PPP3CC: variants seen among roughly 807,000 people sequenced by gnomAD.
The protein encoded by PPP3CC is protein phosphatase 3 catalytic subunit gamma.
PPP3CC carries 35 observed loss-of-function variants against 60.3 expected under a neutral mutation model. The observed-to-expected ratio is 0.58, with a 90% CI of 0.44 to 0.77. The LOEUF is 0.77. Ranked by LOEUF, PPP3CC falls within the 30% of genes least tolerant of loss-of-function variation. The pLI, the probability that PPP3CC is intolerant of heterozygous loss-of-function variation, is 0.00. For synonymous variants in PPP3CC, 206 were observed against 224.3 expected, an observed-to-expected ratio of 0.92 and a Z score of 0.73; for missense variants, 570 against 628.9, an observed-to-expected ratio of 0.91 and a Z score of 1.00.
Position 22,540,714 on chromosome 8 carries a change from TAC to T in PPP3CC, c.1454_1455del (p.His485ArgfsTer30), listed in dbSNP as rs1563801237. 6.2e-7 allele frequency: 1 copy of T among 1,614,150 alleles called. No homozygotes were observed. Among genetic ancestry groups the T allele is most frequent in the Non-Finnish European group, 8.5e-7 (1 of 1,180,036 alleles). On this transcript the variant is annotated frameshift_variant, in exon 14 of 14. Coordinates refer to ENST00000240139, the MANE Select transcript of PPP3CC (RefSeq NM_005605.5). LOFTEE classifies it low-confidence loss of function (END_TRUNC). ...CGAATGCCACCCCGAAAGGATAGCA[TAC>T]ACGCTGGTGGGCCAATGAAATCTGT...
intron 4 of PPP3CC, among the ~76,000 whole-genome samples, chr8:22,509,204 T>C (rs1839012395): frequency 6.6e-6 from 1 of 152,218 alleles, no homozygotes; most frequent in Admixed American, 6.5e-5. Context: ...TACTGCAGTC[T>C]GGCCCAAATC....
intron 1 of PPP3CC, among the ~76,000 whole-genome samples, chr8:22,473,611 G>C (rs1837797003): frequency 6.6e-6 from 1 of 151,468 alleles, no homozygotes; most frequent in South Asian, 2.1e-4. Context: ...TTACAGGTGT[G>C]TGCCATCACA....
intron 6 of PPP3CC, among the ~76,000 whole-genome samples, chr8:22,519,600 C>T (rs746846104): frequency 1.6e-4 from 25 of 152,138 alleles, no homozygotes; most frequent in Non-Finnish European, 2.5e-4. Context: ...CTTTCAATGA[C>T]GTATAGAAAC....
At chr8:22,479,669 G>T (rs929991550) in intron 3 of PPP3CC, among the ~76,000 whole-genome samples, 1 of 151,274 alleles carries the variant, frequency 6.6e-6, no homozygotes, top group Non-Finnish European at 1.5e-5. Context: ...GCTTGAGCCT[G>T]GGAGGTGGAG....
intron 4 of PPP3CC, among the ~76,000 whole-genome samples, chr8:22,503,012 C>G (rs993917669): frequency 6.6e-6 from 1 of 152,044 alleles, no homozygotes; most frequent in Admixed American, 6.6e-5. Flanking sequence ...GCATGGCTTA[C>G]TTTTAATTTT....
intron 1 of PPP3CC, among the ~76,000 whole-genome samples, chr8:22,468,413 C>T (rs1374352944): frequency 1.3e-5 from 2 of 152,134 alleles, no homozygotes; most frequent in Non-Finnish European, 1.5e-5. Flanking sequence ...CCAGAAGTTG[C>T]TAGTCATTCT....
intron 6 of PPP3CC, among the ~76,000 whole-genome samples, chr8:22,514,884 G>A (rs892061234): frequency 1.3e-5 from 2 of 151,678 alleles, no homozygotes; most frequent in South Asian, 2.1e-4. Context: ...CACCATGTTG[G>A]CCAGGCTAGT....
At chr8:22,470,160 C>G (rs375437787) in intron 1 of PPP3CC, among the ~76,000 whole-genome samples, 48 of 151,900 alleles carry the variant, frequency 3.2e-4, no homozygotes, top group African/African-American at 1.1e-3. Flanking sequence ...CTCACTCTGT[C>G]ACCCAGGCTA....
At chr8:22,477,589 A>C in intron 3 of PPP3CC, among the ~76,000 whole-genome samples, 1 of 152,200 alleles carries the variant, frequency 6.6e-6, no homozygotes, top group Non-Finnish European at 1.5e-5. Context: ...AAAGATTAGA[A>C]GAATACAAAA....
chr8:22,521,903 G>T (rs994756681), intron 6 of PPP3CC, among the ~76,000 whole-genome samples: 2 of 150,274 alleles, frequency 1.3e-5, no homozygotes, highest in African/African-American at 2.5e-5. Context: ...GCATAAGCTT[G>T]CAGTGAGCCG....
intron 9 of PPP3CC, among the ~76,000 whole-genome samples, chr8:22,527,782 C>A (rs778367026): frequency 6.6e-6 from 1 of 152,038 alleles, no homozygotes; most frequent in Non-Finnish European, 1.5e-5. Context: ...ATTATAGGCA[C>A]GTGCCACTGC....
intron 12 of PPP3CC, among the ~76,000 whole-genome samples, chr8:22,536,951 T>C (rs1839857222): frequency 6.6e-6 from 1 of 151,742 alleles, no homozygotes; most frequent in African/African-American, 2.4e-5. Context: ...AGCACAAAGG[T>C]AAATAAAAAT....
At chr8:22,453,431 T>C (rs1837095524) in intron 1 of PPP3CC, among the ~76,000 whole-genome samples, 2 of 152,218 alleles carry the variant, frequency 1.3e-5, no homozygotes, top group South Asian at 4.1e-4. Context: ...AGTGTACAGT[T>C]ATCCCTTGGT....
intron 5 of PPP3CC, 140 bp downstream of exon 5, chr8:22,511,371 C>A: frequency 1.2e-6 from 1 of 861,532 alleles, no homozygotes; most frequent in Non-Finnish European, 1.7e-6. Context: ...CTCACTGCAA[C>A]CTCCGCCTCC....
At chr8:22,535,090 C>T (rs761154888) in intron 12 of PPP3CC, among the ~76,000 whole-genome samples, 10 of 152,132 alleles carry the variant, frequency 6.6e-5, no homozygotes, top group Non-Finnish European at 5.9e-5. Context: ...GATTTGTGCA[C>T]CTGCTGTGCC....
In PPP3CC at chr8:22,493,021, A is replaced by G. The variant is rs577214844; in HGVS notation, c.373-4980A>G. The G allele has an allele frequency of 1.0e-5, 13 of 1,305,152 alleles. No individual in the cohort carries two copies. The East Asian group carries it at 3.0e-4, about 30-fold the overall frequency. The allele number at this position is 1,305,152 out of a possible 1,614,324, so 80.8% of individuals were successfully genotyped here. ...GGAAAAGCACCACTTGCTACTGGAG[A>G]GGATGACGATGAAGTTCCAGCTCTT... is the stretch of plus-strand genomic sequence containing the variant. On this transcript the variant is annotated intron_variant, in intron 3 of 13. Coordinates refer to ENST00000240139, the MANE Select transcript of PPP3CC (RefSeq NM_005605.5).
chr8:22,491,496 T>G (rs1838404656), intron 3 of PPP3CC, among the ~76,000 whole-genome samples: 1 of 152,234 alleles, frequency 6.6e-6, no homozygotes, highest in South Asian at 2.1e-4. Context: ...GTTTCTTATG[T>G]GACCTTTCAG....
intron 1 of PPP3CC, among the ~76,000 whole-genome samples, chr8:22,464,822 A>G (rs1837470016): frequency 6.6e-6 from 1 of 152,196 alleles, no homozygotes; most frequent in Admixed American, 6.5e-5. Flanking sequence ...AGCTTGCCTC[A>G]GCTGGGATTA....
chr8:22,452,491 TTC>T (rs1322056073), intron 1 of PPP3CC, among the ~76,000 whole-genome samples: 2 of 152,118 alleles, frequency 1.3e-5, no homozygotes, highest in Non-Finnish European at 2.9e-5. Context: ...GGATTCAAAT[TTC>T]TGTTTGTTTT....
Sources: gnomAD v4.1 joint callset for allele counts (sites outside exome capture counted in the v4.1 genomes callset) on GRCh38, gnomAD v4.1.1 for gene constraint, MANE v1.5 for transcripts, NCBI Gene and HGNC (gene_info 2026-07-23, HGNC 2026-07-21) for gene names.